The following ZNF660 variants were observed in gnomAD, a reference collection of about 807,000 sequenced individuals.
ZNF660 encodes the protein zinc finger protein 660.
ZNF660 carries 24 observed loss-of-function variants against 23.2 expected under a neutral mutation model. The ratio of observed to expected loss-of-function variants is 1.04; its 90% CI spans 0.75 to 1.46. The LOEUF (loss-of-function observed/expected upper bound fraction) is 1.46, where lower values mean the gene tolerates loss of function less well. Among genes scored for constraint, ZNF660 ranks in the 40% most tolerant of loss-of-function variants. The pLI is 0.00. For synonymous variants in ZNF660, 117 were observed against 131.4 expected (o/e 0.89, Z 0.75); for missense variants, 373 against 396.8 (o/e 0.94, Z 0.51).
intron 2 of ZNF660, among the ~76,000 whole-genome samples, chr3:44,590,134 CTT>C (rs912097069): frequency 2.1e-4 from 32 of 151,984 alleles, no homozygotes; most frequent in African/African-American, 7.5e-4. Context: ...AATTTGCTCT[CTT>C]ATTGTTTTTC....
chr3:44,588,687 G>A (rs1700314236), intron 2 of ZNF660, among the ~76,000 whole-genome samples: 1 of 152,028 alleles, frequency 6.6e-6, no homozygotes, highest in African/African-American at 2.4e-5. Flanking sequence ...TACCCAGGCT[G>A]ATCAAACACC....
intron 1 of ZNF660, among the ~76,000 whole-genome samples, chr3:44,585,607 G>A (rs1007119445): frequency 6.6e-6 from 1 of 152,168 alleles, no homozygotes; most frequent in Non-Finnish European, 1.5e-5. Flanking sequence ...AAACATATTT[G>A]AGGCTTAGTA....
At chr3:44,593,934 CCA>C (rs1700521000) in intron 2 of ZNF660, 78 bp from the exon 3 acceptor site, 1 of 568,654 alleles carries the variant, frequency 1.8e-6, no homozygotes, top group Non-Finnish European at 3.3e-6. Flanking sequence ...CATATGGCTA[CCA>C]CATCTTGTCC....
intron 2 of ZNF660, among the ~76,000 whole-genome samples, chr3:44,590,855 A>G (rs988431378): frequency 1.4e-4 from 21 of 152,062 alleles, no homozygotes; most frequent in African/African-American, 4.8e-4. Flanking sequence ...ATCCTTAATG[A>G]TTAGGAGAGG....
Position 44,596,624 on chromosome 3 carries a change from C to T in ZNF660, c.*1435C>T, listed in dbSNP as rs1018110385. ...CTTCATCACACTTCTCTCTTAACTCCATAATTTTCAGCATGTTGACTTTCA... is the reference window on the plus strand; with the variant it reads ...CTTCATCACACTTCTCTCTTAACTCTATAATTTTCAGCATGTTGACTTTCA... On this transcript the variant is annotated 3_prime_UTR_variant, in exon 3 of 3. Transcript: ENST00000322734. 1 of 152,154 alleles carries T rather than the reference C, an allele frequency of 6.6e-6. No individual in the cohort carries two copies. The highest frequency in any genetic ancestry group is 6.5e-5 in the Admixed American group (1 of 15,276). 9.4% of individuals were successfully genotyped at this position (152,154 alleles called of 1,614,324 possible).
At position 44,594,362 on chromosome 3, in the gene ZNF660, A is replaced by C. The variant is rs143528366; in HGVS notation, c.169A>C (p.Lys57Gln). ...KRQYVCTECG[K>Q]AFSQSANLTV... Reference sequence around the variant, plus strand: ...ACAGTATGTATGTACTGAGTGTGGGAAAGCCTTTAGTCAGAGTGCAAACCT... The same window carrying C: ...ACAGTATGTATGTACTGAGTGTGGGCAAGCCTTTAGTCAGAGTGCAAACCT... Residue 57 changes from lysine to glutamine, a missense_variant, in exon 3 of 3, where the codon AAA (lysine) becomes CAA (glutamine). Lys to Gln is a moderately conservative substitution (Grantham distance 53). Transcript: ENST00000322734. The C allele has an allele frequency of 2.0e-5, 33 of 1,614,130 alleles. No homozygotes were observed. In the African/African-American group the frequency reaches 4.1e-4, roughly 20 times the overall value.
At position 44,590,129 on chromosome 3, in the gene ZNF660, G is replaced by T. The variant is rs187369923; in HGVS notation, c.-180-3885G>T. 9.2e-5 allele frequency among the ~76,000 whole-genome samples: 14 copies of T among 151,644 alleles called. No individual in the cohort carries two copies. The East Asian group carries it at 2.5e-3, about 27-fold the overall frequency. On this transcript the variant is annotated intron_variant, in intron 2 of 2. Transcript: ENST00000322734. Reference sequence around the variant, plus strand: ...TTGCATACATTGTAAATTTGAATTTGCTCTCTTATTGTTTTTCCATACTAC... The same window carrying T: ...TTGCATACATTGTAAATTTGAATTTTCTCTCTTATTGTTTTTCCATACTAC...
At position 44,586,291 on chromosome 3, in the gene ZNF660, G is replaced by A. The variant is rs115257263; in HGVS notation, c.-181+78G>A. ...TCTGGGCACAGGAATCCTGCTTGTG[G>A]GCACCAGGGTTGAAAGGGAGCTTCT... On this transcript the variant is annotated intron_variant, in intron 2 of 2. Coordinates refer to ENST00000322734, the MANE Select transcript of ZNF660 (RefSeq NM_173658.4). The A allele has an allele frequency of 0.034, 5,202 of 152,302 alleles. 207 individuals carry two copies. The highest frequency in any genetic ancestry group is 0.097 in the African/African-American group (4,030 of 41,474). The allele number at this position is 152,302 out of a possible 1,614,324, so 9.4% of individuals were successfully genotyped here.
intron 2 of ZNF660, 42 bp from the exon 3 acceptor site, chr3:44,593,972 C>G: frequency 1.5e-6 from 1 of 653,188 alleles, no homozygotes; most frequent in East Asian, 3.2e-5. Context: ...TCCTCTGGTA[C>G]AGAGAATAGG....
intron 2 of ZNF660, 111 bp from the exon 3 acceptor site, chr3:44,593,903 C>A (rs924666919): frequency 5.8e-5 from 29 of 496,366 alleles, no homozygotes; most frequent in South Asian, 4.4e-4. Context: ...TGTTCCCCTG[C>A]CCTTGAACAC....
chr3:44,588,965 T>C (rs1042034455), intron 2 of ZNF660, among the ~76,000 whole-genome samples: 1 of 152,248 alleles, frequency 6.6e-6, no homozygotes, highest in Non-Finnish European at 1.5e-5. Context: ...CAGTCCATCC[T>C]CTGTATTCAA....
rs762427265 is a variant in ZNF660 at position 44,594,687 on chromosome 3, T to C, written c.494T>C (p.Ile165Thr). ...VHTGEKPYSC[I>T]ECGKAFSRSS... ...ACCGGAGAGAAGCCCTATTCTTGTA[T>C]TGAGTGTGGGAAAGCCTTTAGCCGT... The change falls in exon 3 of 3, where the codon ATT (isoleucine) becomes ACT (threonine). Residue 165 changes from isoleucine (I) to threonine (T), a missense_variant. By Grantham distance (89) the Ile-to-Thr change is moderately conservative (BLOSUM62 -1). Transcript: ENST00000322734. 38 of 1,611,976 alleles carry C rather than the reference T, an allele frequency of 2.4e-5. No homozygotes were observed. The Admixed American group carries it at 6.2e-4, about 26-fold the overall frequency.
In ZNF660 at chr3:44,595,078, C is replaced by A. The variant is rs1700568536; in HGVS notation, c.885C>A (p.Thr295=). ...QTSQVILHLR[T]HTKEKPYKCS... Reference sequence around the variant, plus strand: ...CTCAAGTTATTCTACACTTGAGAACCCACACTAAGGAGAAACCCTATAAAT... The same window carrying A: ...CTCAAGTTATTCTACACTTGAGAACACACACTAAGGAGAAACCCTATAAAT... The change falls in exon 3 of 3, where the codon ACC becomes ACA. Residue 295 remains threonine (T), a synonymous_variant. Transcript: ENST00000322734. 3.7e-6 allele frequency: 6 copies of A among 1,613,138 alleles called. No individual in the cohort carries two copies. The highest frequency in any genetic ancestry group is 5.1e-6 in the Non-Finnish European group (6 of 1,179,756).
chr3:44,587,625 C>T lies in ZNF660; in HGVS notation c.-181+1412C>T, dbSNP rs146581387. Among the ~76,000 whole-genome samples the T allele has an allele frequency of 1.6e-4, 24 of 152,348 alleles. No homozygotes were observed. In the East Asian group the frequency reaches 4.0e-3, roughly 26 times the overall value. On this transcript the variant is annotated intron_variant, in intron 2 of 2. Coordinates refer to ENST00000322734, the MANE Select transcript of ZNF660 (RefSeq NM_173658.4). ...TTGATCAAACTCTCCTCATTTGGCC[C>T]TCTTTGATCTCCTGTCTGGTCCTGC...
rs1384416758 is a variant in ZNF660 at position 44,593,708 on chromosome 3, A to G, written c.-180-306A>G. Among the ~76,000 whole-genome samples, 7 of 150,782 alleles carry G rather than the reference A, an allele frequency of 4.6e-5. 1 individual carries two copies. Among genetic ancestry groups the G allele is most frequent in the Admixed American group, 4.0e-4 (6 of 15,112 alleles). ...CCATCTCAAAAAAAAAAAAAAAAAA[A>G]GCAACGAGTTAGATGGCTCCAATTC... On this transcript the variant is annotated intron_variant, in intron 2 of 2. Transcript: ENST00000322734.
intron 2 of ZNF660, 34 bp from the exon 3 acceptor site, chr3:44,593,980 A>C: frequency 1.5e-6 from 1 of 672,468 alleles, no homozygotes; most frequent in Non-Finnish European, 2.7e-6. Context: ...TACAGAGAAT[A>C]GGTGACATGT....
chr3:44,594,097 C>G lies in ZNF660; in HGVS notation c.-97C>G, dbSNP rs199870777. The G allele has an allele frequency of 1.2e-5, 17 of 1,434,924 alleles. No homozygotes were observed. Among genetic ancestry groups the G allele is most frequent in the Non-Finnish European group, 1.7e-5 (17 of 1,024,274 alleles). The allele number at this position is 1,434,924 out of a possible 1,614,324, so 88.9% of individuals were successfully genotyped here. A position where few individuals can be genotyped will look rare whatever the true frequency, so the allele number is the denominator to read the frequency against. On this transcript the variant is annotated 5_prime_UTR_variant, in exon 3 of 3. Coordinates refer to ENST00000322734, the MANE Select transcript of ZNF660 (RefSeq NM_173658.4). ...AATCATACATACTTTCAAGAGAATT[C>G]CACAGAGACATTGCCCAGGAAGTCA...
chr3:44,596,087 C>T lies in ZNF660; in HGVS notation c.*898C>T, dbSNP rs961501650. On this transcript the variant is annotated 3_prime_UTR_variant, in exon 3 of 3. Transcript: ENST00000322734. ...CCAGAAAAAAATGAAATTGAAACAA[C>T]TGTAGACTCAAAAACTTCAGATACA... 6.0e-6 allele frequency: 1 copy of T among 166,556 alleles called. No homozygotes were observed. The highest frequency in any genetic ancestry group is 1.5e-5 in the Non-Finnish European group (1 of 68,124). The allele number at this position is 166,556 out of a possible 1,614,324, so 10.3% of individuals were successfully genotyped here.
chr3:44,586,647 C>T (rs79192980), intron 2 of ZNF660: 86 of 152,288 alleles, frequency 5.6e-4, no homozygotes, highest in African/African-American at 2.0e-3. Flanking sequence ...TGCAAATACA[C>T]CATTATGGTG....
Sources: gnomAD v4.1 joint callset for allele counts (sites outside exome capture counted in the v4.1 genomes callset) on GRCh38, gnomAD v4.1.1 for gene constraint, MANE v1.5 for transcripts, NCBI Gene and HGNC (gene_info 2026-07-23, HGNC 2026-07-21) for gene names.